The following ABCB7 variants were observed in gnomAD, a reference collection of about 807,000 sequenced individuals.
ABCB7 encodes ATP binding cassette subfamily B member 7.
In ABCB7, 7 loss-of-function variants were observed where a neutral mutation model predicts 54.4. That is an observed-to-expected ratio of 0.13 (90% CI 0.07 to 0.24). The LOEUF (loss-of-function observed/expected upper bound fraction) is 0.24. Among genes scored for constraint, ABCB7 ranks in the 10% least tolerant of loss-of-function variants. The pLI is 1.00. For synonymous variants in ABCB7, 218 were observed against 207.1 expected (o/e 1.05, Z -0.45); for missense variants, 356 against 570.4 (o/e 0.62, Z 3.83).
At position 75,141,400 on chromosome X, in the gene ABCB7, G is replaced by A. The variant is rs182103042; in HGVS notation, c.168+14705C>T. On this transcript the variant is annotated intron_variant, in intron 1 of 15. Transcript: ENST00000373394. ...ATTTGGGTGTGCTTCTTTTTAAATC[G>A]CTGTTTCTTGCTTATGTTTTTTTTT... 2.7e-5 allele frequency among the ~76,000 whole-genome samples: 3 copies of A among 110,167 alleles called. No homozygotes were observed. In the East Asian group the frequency reaches 8.5e-4, roughly 31 times the overall value.
At chrX:75,078,459 T>C (rs958425430) in intron 4 of ABCB7, among the ~76,000 whole-genome samples, 9 of 111,708 alleles carry the variant, frequency 8.1e-5, no homozygotes, top group African/African-American at 2.9e-4. Flanking sequence ...TCCTGTTACA[T>C]GGATATATCG....
chrX:75,122,158 G>C (rs1438124032), intron 1 of ABCB7, among the ~76,000 whole-genome samples: 1 of 111,519 alleles, frequency 9.0e-6, no homozygotes, highest in African/African-American at 3.3e-5. Flanking sequence ...TAAGATAAGA[G>C]GTCAGCACAA....
At chrX:75,106,174 T>G (rs1341165002) in intron 3 of ABCB7, among the ~76,000 whole-genome samples, 1 of 110,579 alleles carries the variant, frequency 9.0e-6, no homozygotes, top group Non-Finnish European at 1.9e-5. Context: ...AATAGAAAAC[T>G]TACAGAATGG....
rs181350491 is a variant in ABCB7, at chrX:75,153,799, A to G, written c.168+2306T>C. Among the ~76,000 whole-genome samples, 667 of 101,216 alleles carry G rather than the reference A, an allele frequency of 6.6e-3. 10 individuals are homozygous for G. Among genetic ancestry groups the G allele is most frequent in the African/African-American group, 0.023 (632 of 28,021 alleles). 87.9% of individuals were successfully genotyped at this position (101,216 alleles called of 115,157 possible). ...AAAATATATATGTGTGTGTGTATAT[A>G]CACATAAAAGTTCATGAAACAATAC... On this transcript the variant is annotated intron_variant, in intron 1 of 15. Transcript: ENST00000373394.
intron 1 of ABCB7, among the ~76,000 whole-genome samples, chrX:75,133,037 C>A (rs888340710): frequency 1.8e-5 from 2 of 111,998 alleles, no homozygotes; most frequent in African/African-American, 6.5e-5. Flanking sequence ...CGATGAAGAT[C>A]ACCTAGATTC....
At chrX:75,106,257 A>G (rs777911308) in intron 3 of ABCB7, among the ~76,000 whole-genome samples, 3 of 111,944 alleles carry the variant, frequency 2.7e-5, no homozygotes, top group Non-Finnish European at 5.6e-5. Context: ...CAAAGAACTC[A>G]ACAAGAAAAA....
chrX:75,131,530 G>A (rs143379509), intron 1 of ABCB7, among the ~76,000 whole-genome samples: 76 of 111,223 alleles, frequency 6.8e-4, no homozygotes, highest in Middle Eastern at 4.6e-3. Context: ...AACAGAACCC[G>A]TGAACAACAT....
intron 12 of ABCB7, among the ~76,000 whole-genome samples, chrX:75,067,683 T>C (rs779284588): frequency 2.7e-5 from 3 of 110,398 alleles, no homozygotes; most frequent in African/African-American, 9.9e-5. Flanking sequence ...CGGGGTTTCA[T>C]CATGCTGGCC....
In ABCB7 at chrX:75,098,309, A is replaced by C. The variant is rs368214371; in HGVS notation, c.453+633T>G. Among the ~76,000 whole-genome samples, 654 of 101,508 alleles carry C rather than the reference A, an allele frequency of 6.4e-3. 10 individuals carry two copies. Among genetic ancestry groups the C allele is most frequent in the African/African-American group, 0.022 (618 of 28,404 alleles). 88.1% of individuals were successfully genotyped at this position (101,508 alleles called of 115,157 possible). A position where few individuals can be genotyped will look rare whatever the true frequency, so the allele number is the denominator to read the frequency against. The stretch of plus-strand genomic sequence containing the variant: ...GGGCAACAGAGTGAGACTCTGTATC[A>C]AAAAAAAAAAAAAGAAAAAAAAATC... On this transcript the variant is annotated intron_variant, in intron 4 of 15. Coordinates refer to ENST00000373394, the MANE Select transcript of ABCB7 (RefSeq NM_001271696.3).
chrX:75,079,398 T>G (rs1422246767), intron 4 of ABCB7, among the ~76,000 whole-genome samples: 1 of 112,430 alleles, frequency 8.9e-6, no homozygotes, highest in Non-Finnish European at 1.9e-5. Flanking sequence ...CTTTGTGATA[T>G]TTTGGGGATG....
At position 75,062,385 on chromosome X, in the gene ABCB7, G is replaced by T; in HGVS notation, c.1878C>A (p.Asp626Glu). The T allele has an allele frequency of 1.7e-6, 2 of 1,210,770 alleles. No homozygotes were observed. The highest frequency in any genetic ancestry group is 1.1e-6 in the Non-Finnish European group (1 of 894,833). Residue 626 changes from aspartate to glutamate, a missense_variant, in exon 14 of 16, where the codon GAC becomes GAA. By Grantham distance (45) the Asp-to-Glu change is conservative. Coordinates refer to ENST00000373394, the MANE Select transcript of ABCB7 (RefSeq NM_001271696.3). The part of the protein sequence containing the change: ...RVAIARAILK[D>E]PPVILYDEAT... ...CTTCATCATAGAGTATGACTGGGGG[G>T]TCCTTCAAAATGGCTCTTGCAATTG...
At chrX:75,057,212 T>C (rs1338801595) in intron 15 of ABCB7, among the ~76,000 whole-genome samples, 1 of 111,817 alleles carries the variant, frequency 8.9e-6, no homozygotes, top group Non-Finnish European at 1.9e-5. Flanking sequence ...CCAATTGCTT[T>C]AGTTTCTAGT....
rs1471885052 is a variant in ABCB7, at chrX:75,109,144, T to C, written c.333+3742A>G. On this transcript the variant is annotated intron_variant, in intron 3 of 15. Coordinates refer to ENST00000373394, the MANE Select transcript of ABCB7 (RefSeq NM_001271696.3). Reference sequence around the variant, plus strand: ...GGAAAGCCACAAATTATACTTCTCATGAATTGACAGTGCTCAATTTGACAG... The same window carrying C: ...GGAAAGCCACAAATTATACTTCTCACGAATTGACAGTGCTCAATTTGACAG... 2.4e-4 allele frequency among the ~76,000 whole-genome samples: 27 copies of C among 111,989 alleles called. No individual in the cohort carries two copies. In the Admixed American group the frequency reaches 2.5e-3, roughly 11 times the overall value.
intron 14 of ABCB7, among the ~76,000 whole-genome samples, chrX:75,062,077 A>G (rs1602332030): frequency 1.8e-5 from 2 of 112,802 alleles, no homozygotes. Flanking sequence ...CAACAACAGC[A>G]TAAGGTATCA....
At chrX:75,060,109 C>T (rs1026841018) in intron 15 of ABCB7, 114 bp downstream of exon 15, 3 of 606,301 alleles carry the variant, frequency 4.9e-6, no homozygotes, top group African/African-American at 2.2e-5. Context: ...AAAACAGAAT[C>T]GTAACAGGAT....
intron 1 of ABCB7, among the ~76,000 whole-genome samples, chrX:75,147,370 G>A (rs867917515): frequency 5.4e-5 from 6 of 111,623 alleles, no homozygotes; most frequent in South Asian, 3.7e-4. Context: ...ACATGCATGC[G>A]TATGTTCATT....
intron 1 of ABCB7, among the ~76,000 whole-genome samples, chrX:75,119,474 T>G (rs1003818743): frequency 8.9e-5 from 10 of 112,469 alleles, no homozygotes; most frequent in African/African-American, 2.9e-4. Context: ...TTATCTACTG[T>G]TTAACAAAAA....
chrX:75,136,108 G>C (rs1347483774), intron 1 of ABCB7, among the ~76,000 whole-genome samples: 1 of 110,786 alleles, frequency 9.0e-6, no homozygotes, highest in Admixed American at 9.6e-5. Context: ...CATAGTCCTT[G>C]TTCAAAGACT....
chrX:75,138,741 T>G (rs2082033285), intron 1 of ABCB7, among the ~76,000 whole-genome samples: 1 of 111,484 alleles, frequency 9.0e-6, no homozygotes, highest in Admixed American at 9.5e-5. Flanking sequence ...CCAGGCGCAG[T>G]GGCTCACGCC....
Sources: allele counts gnomAD v4.1 joint callset (sites outside exome capture counted in the v4.1 genomes callset), GRCh38; gene constraint gnomAD v4.1.1; transcripts MANE v1.5; gene names NCBI Gene and HGNC (gene_info 2026-07-23, HGNC 2026-07-21).